The following HYAL4 variants were observed in gnomAD, a reference collection of about 807,000 sequenced individuals.
The protein encoded by HYAL4 is hyaluronidase 4.
A neutral mutation model predicts 35.2 loss-of-function variants in HYAL4; 37 were observed. That is an observed-to-expected ratio of 1.05 (90% CI 0.81 to 1.38). The LOEUF (loss-of-function observed/expected upper bound fraction) is 1.38, where lower values mean the gene tolerates loss of function less well. Among genes scored for constraint, HYAL4 ranks in the 40% most tolerant of loss-of-function variants. HYAL4 has a pLI of 0.00. For missense variants in HYAL4, 572 were observed against 572.4 expected, an observed-to-expected ratio of 1.00 and a Z score of 0.01; for synonymous variants, 198 against 203.2, an observed-to-expected ratio of 0.97 and a Z score of 0.22.
At chr7:123,841,246 CAT>C (rs780427106), upstream of HYAL4, among the ~76,000 whole-genome samples, 19 of 151,864 alleles carry the variant, frequency 1.3e-4, no homozygotes, top group Non-Finnish European at 2.5e-4. Context: ...TTGAGATAAT[CAT>C]ATGGTTTTTG....
At chr7:123,765,091 CAG>C in the HYAL4 span, among the ~76,000 whole-genome samples, 12 of 152,192 alleles carry the variant, frequency 7.9e-5, no homozygotes, top group Admixed American at 5.2e-4. Context: ...GTTCATCAGT[CAG>C]AATATGTGTT....
upstream of HYAL4, among the ~76,000 whole-genome samples, chr7:123,827,651 A>T (rs1488814713): frequency 6.6e-6 from 1 of 152,152 alleles, no homozygotes; most frequent in Non-Finnish European, 1.5e-5. Flanking sequence ...TATTGCTTAC[A>T]TGATCTTCAG....
chr7:123,869,941 C>T (rs1017044853), intron 3 of HYAL4, among the ~76,000 whole-genome samples: 5 of 151,890 alleles, frequency 3.3e-5, no homozygotes, highest in East Asian at 3.9e-4. Context: ...CCACCCTCCT[C>T]GGCCTCCCAA....
At chr7:123,875,255 A>G (rs1806980789) in intron 4 of HYAL4, among the ~76,000 whole-genome samples, 1 of 152,226 alleles carries the variant, frequency 6.6e-6, no homozygotes, top group Non-Finnish European at 1.5e-5. Context: ...TAATGACTAT[A>G]GAAAATGTGT....
At chr7:123,853,812 C>T (rs1391492010) in intron 2 of HYAL4, among the ~76,000 whole-genome samples, 1 of 152,136 alleles carries the variant, frequency 6.6e-6, no homozygotes, top group African/African-American at 2.4e-5. Flanking sequence ...GTACCAGCTC[C>T]TCTTTGTACC....
At chr7:123,837,857 T>C (rs2116912479) in intron 1 of HYAL4, among the ~76,000 whole-genome samples, 1 of 152,248 alleles carries the variant, frequency 6.6e-6, no homozygotes, top group South Asian at 2.1e-4. Context: ...CTCATCATTT[T>C]TTATGGCTGC....
At chr7:123,797,433 C>T in the HYAL4 span, among the ~76,000 whole-genome samples, 2 of 152,176 alleles carry the variant, frequency 1.3e-5, no homozygotes, top group African/African-American at 2.4e-5. Flanking sequence ...AAGGAAGCAA[C>T]GTTAAAATTC....
the HYAL4 span, among the ~76,000 whole-genome samples, chr7:123,821,471 A>C: frequency 6.6e-6 from 1 of 152,106 alleles, no homozygotes; most frequent in Non-Finnish European, 1.5e-5. Flanking sequence ...TGTTTGTTCA[A>C]GTCCTTTGCT....
At chr7:123,787,247 A>G in the HYAL4 span, among the ~76,000 whole-genome samples, 1 of 152,088 alleles carries the variant, frequency 6.6e-6, no homozygotes, top group Non-Finnish European at 1.5e-5. Flanking sequence ...ATTGCTCAAG[A>G]TTCCCTGGGG....
At chr7:123,871,884 C>T (rs181186904) in intron 3 of HYAL4, among the ~76,000 whole-genome samples, 1 of 152,112 alleles carries the variant, frequency 6.6e-6, no homozygotes, top group Non-Finnish European at 1.5e-5. Context: ...ATAGCTATAG[C>T]GTGGGGATAT....
At chr7:123,765,564 T>C in the HYAL4 span, among the ~76,000 whole-genome samples, 2 of 152,162 alleles carry the variant, frequency 1.3e-5, no homozygotes, top group South Asian at 4.1e-4. Context: ...TAAAATCTGC[T>C]AATGAATAGT....
chr7:123,874,112 A>G (rs192497926), intron 3 of HYAL4, among the ~76,000 whole-genome samples: 24 of 152,354 alleles, frequency 1.6e-4, no homozygotes, highest in Admixed American at 1.4e-3. Flanking sequence ...CAGGGCACAT[A>G]CATATGACCT....
chr7:123,871,863 T>C (rs956024797), intron 3 of HYAL4, among the ~76,000 whole-genome samples: 11 of 152,204 alleles, frequency 7.2e-5, no homozygotes, highest in African/African-American at 2.7e-4. Flanking sequence ...TTAAGAGTGG[T>C]ATCTCAGGCA....
intron 1 of HYAL4, among the ~76,000 whole-genome samples, chr7:123,829,982 T>C (rs1470281246): frequency 6.6e-6 from 1 of 152,158 alleles, no homozygotes; most frequent in Non-Finnish European, 1.5e-5. Context: ...TCTGATGAGA[T>C]GTCTTGAAGG....
the HYAL4 span, among the ~76,000 whole-genome samples, chr7:123,807,915 AT>A: frequency 2.0e-4 from 1 of 4,984 alleles, no homozygotes; most frequent in Non-Finnish European, 4.2e-4. Flanking sequence ...TAGCTGGATA[AT>A]TATTATTATT....
chr7:123,837,506 T>C (rs900148632), intron 1 of HYAL4, among the ~76,000 whole-genome samples: 1 of 152,164 alleles, frequency 6.6e-6, no homozygotes, highest in Non-Finnish European at 1.5e-5. Context: ...GAACAGAATA[T>C]TAACGTGTCT....
intron 1 of HYAL4, among the ~76,000 whole-genome samples, chr7:123,830,182 A>C (rs1056396730): frequency 1.3e-5 from 2 of 152,220 alleles, no homozygotes; most frequent in African/African-American, 2.4e-5. Context: ...AACTTGAATA[A>C]TTTTGGACTT....
intron 2 of HYAL4, among the ~76,000 whole-genome samples, chr7:123,849,265 GTCTC>G (rs10565638): frequency 2.0e-5 from 3 of 146,876 alleles, no homozygotes; most frequent in Non-Finnish European, 3.0e-5. Flanking sequence ...CTAATGTACA[GTCTC>G]TCTCTCTCTC....
chr7:123,869,040 C>T lies in HYAL4; in HGVS notation c.767C>T (p.Ala256Val), dbSNP rs372123903. The change falls in exon 3 of 5, where the codon GCT (alanine) becomes GTT (valine). Residue 256 changes from alanine to valine, a missense_variant. Coordinates refer to ENST00000223026, the MANE Select transcript of HYAL4 (RefSeq NM_012269.3). Reference sequence around the variant, plus strand: ...CTCTCTTGGCTCTGGAACAGCAGTGCTGCTTTATATCCTTCTATCGGTGTC... The same window carrying T: ...CTCTCTTGGCTCTGGAACAGCAGTGTTGCTTTATATCCTTCTATCGGTGTC... The part of the protein sequence containing the change: ...NELSWLWNSS[A>V]ALYPSIGVWK... 6.2e-6 allele frequency: 10 copies of T among 1,614,096 alleles called. No individual in the cohort carries two copies. The highest frequency in any genetic ancestry group is 8.5e-6 in the Non-Finnish European group (10 of 1,180,050).
Sources: gnomAD v4.1 joint callset for allele counts (sites outside exome capture counted in the v4.1 genomes callset) on GRCh38, gnomAD v4.1.1 for gene constraint, MANE v1.5 for transcripts, NCBI Gene and HGNC (gene_info 2026-07-23, HGNC 2026-07-21) for gene names.